The following ZNF846 variants were observed in gnomAD, a reference collection of about 807,000 sequenced individuals.
ZNF846 encodes the protein zinc finger protein 420 pseudogene.
In ZNF846, 15 loss-of-function variants were observed where a neutral mutation model predicts 16.0. The ratio of observed to expected loss-of-function variants is 0.94; its 90% confidence interval spans 0.63 to 1.45. ZNF846 has a LOEUF of 1.45. ZNF846 is among the 40% of genes most tolerant of loss of function. The pLI, the probability that ZNF846 is intolerant of heterozygous loss-of-function variation, is 0.00. For synonymous variants in ZNF846, 229 were observed against 212.0 expected (o/e 1.08, Z -0.70); for missense variants, 714 against 622.3 (o/e 1.15, Z -1.57).
chr19:9,774,982 G>C, intron 1 of ZNF846: 1 of 1,604,662 alleles, frequency 6.2e-7, no homozygotes, highest in South Asian at 1.1e-5. Context: ...ATTGGTTCCA[G>C]CAAGTGTAAG....
At chr19:9,774,861 G>C (rs966420028) in intron 1 of ZNF846, 9 of 1,610,192 alleles carry the variant, frequency 5.6e-6, no homozygotes, top group Non-Finnish European at 5.1e-6. Context: ...CACCCGCTTC[G>C]GGCTGACCTA....
At chr19:9,759,411 T>C (rs1240816187) in intron 5 of ZNF846, among the ~76,000 whole-genome samples, 3 of 151,282 alleles carry the variant, frequency 2.0e-5, no homozygotes, top group African/African-American at 7.4e-5. Context: ...GAGACCAGCC[T>C]GGACAAAATG....
chr19:9,768,318 A>T (rs969865652), exon 1 of ZNF846: 1 of 152,268 alleles, frequency 6.6e-6, no homozygotes, highest in Non-Finnish European at 1.5e-5. Flanking sequence ...CCTGTCGGTG[A>T]CAAGAGGACG....
intron 1 of ZNF846, among the ~76,000 whole-genome samples, chr19:9,765,513 C>T (rs1383554723): frequency 2.0e-5 from 3 of 151,814 alleles, no homozygotes; most frequent in Non-Finnish European, 4.4e-5. Flanking sequence ...TCTACTAAAG[C>T]TACAAAAAAA....
At chr19:9,757,596 T>C in exon 6 of ZNF846, 5 of 1,613,636 alleles carry the variant, frequency 3.1e-6, no homozygotes, top group Non-Finnish European at 4.2e-6. Flanking sequence ...TGTGTGAACG[T>C]TAAGGTATGT....
chr19:9,754,564 TAAAAAAA>T (rs545236944), downstream of ZNF846, among the ~76,000 whole-genome samples: 1 of 88,708 alleles, frequency 1.1e-5, no homozygotes, highest in Non-Finnish European at 2.1e-5. Flanking sequence ...GACTCTGTCT[TAAAAAAA>T]AAAAAAAAAA....
At chr19:9,771,082 T>C (rs973657741), upstream of ZNF846, among the ~76,000 whole-genome samples, 2 of 152,136 alleles carry the variant, frequency 1.3e-5, no homozygotes, top group African/African-American at 2.4e-5. Flanking sequence ...GTGTACAATG[T>C]ACCCAATGTG....
At chr19:9,774,660 T>G in intron 1 of ZNF846, 1 of 1,468,578 alleles carries the variant, frequency 6.8e-7, no homozygotes, top group South Asian at 1.1e-5. Context: ...AGAATCGAAA[T>G]CAACTTTCCA....
chr19:9,763,596 A>T (rs1473729316), intron 2 of ZNF846, 188 bp from the exon 3 acceptor site: 1 of 446,456 alleles, frequency 2.2e-6, no homozygotes, highest in Non-Finnish European at 3.9e-6. Context: ...TCACTGAAAC[A>T]TGACTAAACT....
downstream of ZNF846, among the ~76,000 whole-genome samples, chr19:9,757,321 C>T (rs1167955226): frequency 6.6e-6 from 1 of 151,746 alleles, no homozygotes; most frequent in Non-Finnish European, 1.5e-5. Context: ...ACTACTCTTG[C>T]CTATTCCTTA....
chr19:9,775,312 C>T (rs1406944201), intron 1 of ZNF846, among the ~76,000 whole-genome samples: 1 of 151,626 alleles, frequency 6.6e-6, no homozygotes, highest in East Asian at 1.9e-4. Context: ...TCTGATAATA[C>T]CCAAGAAAAC....
chr19:9,782,232 G>A (rs544428496), intron 1 of ZNF846, among the ~76,000 whole-genome samples: 2 of 152,236 alleles, frequency 1.3e-5, no homozygotes, highest in East Asian at 3.9e-4. Flanking sequence ...AAATGTTAAA[G>A]GAAAAAAATG....
chr19:9,761,530 G>A (rs542370374), intron 4 of ZNF846, among the ~76,000 whole-genome samples: 1 of 151,938 alleles, frequency 6.6e-6, no homozygotes, highest in African/African-American at 2.4e-5. Flanking sequence ...GGCCAACATA[G>A]TGAAATCCCA....
At chr19:9,763,503 GCAGTACTCCCAGGCCT>G in intron 2 of ZNF846, 95 bp from the exon 3 acceptor site, 1 of 1,225,574 alleles carries the variant, frequency 8.2e-7, no homozygotes, top group Non-Finnish European at 1.1e-6. Context: ...CTAGAAGCCT[GCAGTACTCCCAGGCCT>G]CAGGCCTCTT....
chr19:9,751,393 A>G (rs2045082552), downstream of ZNF846, among the ~76,000 whole-genome samples: 2 of 152,050 alleles, frequency 1.3e-5, no homozygotes, highest in African/African-American at 4.8e-5. Flanking sequence ...TATTATTTTT[A>G]TTTCTTATTA....
Position 9,763,398 on chromosome 19 carries a change from G to A in ZNF846, c.26C>T (p.Thr9Ile), listed in dbSNP as rs765493939. 5.0e-6 allele frequency: 8 copies of A among 1,607,780 alleles called. 1 individual carries two copies. Among genetic ancestry groups the A allele is most frequent in the Middle Eastern group, 1.7e-4 (1 of 6,016 alleles). The change falls in exon 3 of 6, where the codon ACC becomes ATC. Residue 9 changes from threonine (T) to isoleucine (I), a missense_variant. Physicochemically the swap from Thr to Ile is moderately conservative, Grantham distance 89 (BLOSUM62 -1). Transcript: ENST00000397902. ...AAAGTCCACAGCCACATCCTCAAAG[G>A]TCACTAAGTGCTAAACCATTAAATA...
intron 1 of ZNF846, among the ~76,000 whole-genome samples, chr19:9,773,995 A>G (rs1448181853): frequency 6.6e-6 from 1 of 152,210 alleles, no homozygotes; most frequent in Admixed American, 6.5e-5. Context: ...ATGTAGAATA[A>G]CATAAAGATA....
chr19:9,772,472 C>T (rs1483918149), upstream of ZNF846, among the ~76,000 whole-genome samples: 1 of 151,830 alleles, frequency 6.6e-6, no homozygotes, highest in East Asian at 1.9e-4. Context: ...TGGTGGCACG[C>T]ACCTGTAATC....
At chr19:9,779,283 T>TA (rs1476460656) in intron 1 of ZNF846, among the ~76,000 whole-genome samples, 3 of 152,022 alleles carry the variant, frequency 2.0e-5, no homozygotes, top group African/African-American at 7.2e-5. Flanking sequence ...TTTATTTATT[T>TA]TTGAGACTGA....
Sources: gnomAD v4.1 joint callset for allele counts (sites outside exome capture counted in the v4.1 genomes callset) on GRCh38, gnomAD v4.1.1 for gene constraint, MANE v1.5 for transcripts, NCBI Gene and HGNC (gene_info 2026-07-23, HGNC 2026-07-21) for gene names.